MYO9A: variants seen among roughly 807,000 people sequenced by gnomAD.
The protein encoded by MYO9A is myosin IXA.
A neutral mutation model predicts 293.3 loss-of-function variants in MYO9A; 103 were observed. That is an observed-to-expected ratio of 0.35 (90% CI 0.30 to 0.41). The LOEUF (loss-of-function observed/expected upper bound fraction) is 0.41, where lower values mean the gene tolerates loss of function less well. Among genes scored for constraint, MYO9A ranks in the 10% least tolerant of loss-of-function variants. The pLI is 1.00. For synonymous variants in MYO9A, 1,001 were observed against 1,035.7 expected (o/e 0.97, Z 0.64); for missense variants, 2,685 against 3,033.0 (o/e 0.89, Z 2.69).
At chr15:72,061,889 C>T (rs1596488646) in intron 1 of MYO9A, among the ~76,000 whole-genome samples, 1 of 152,330 alleles carries the variant, frequency 6.6e-6, no homozygotes, top group African/African-American at 2.4e-5. Flanking sequence ...TTGGGCAGGA[C>T]CCCGTTTTGT....
intron 32 of MYO9A, among the ~76,000 whole-genome samples, chr15:71,868,573 G>A (rs2056411471): frequency 1.3e-5 from 2 of 152,140 alleles, no homozygotes; most frequent in Admixed American, 1.3e-4. Context: ...TGAATAACCA[G>A]GTGACAAGAA....
At chr15:72,015,724 G>A (rs1490922232) in intron 6 of MYO9A, among the ~76,000 whole-genome samples, 2 of 128,514 alleles carry the variant, frequency 1.6e-5, no homozygotes, top group Non-Finnish European at 3.1e-5. Flanking sequence ...GTCTCGCTCT[G>A]TCGCCCAGGA....
chr15:72,074,860 GA>G (rs897532507), intron 1 of MYO9A, among the ~76,000 whole-genome samples: 2 of 148,338 alleles, frequency 1.3e-5, no homozygotes, highest in African/African-American at 2.5e-5. Flanking sequence ...TTCCATGTCA[GA>G]ATTAATAGTT....
At chr15:71,848,003 G>C (rs2055466313) in intron 39 of MYO9A, among the ~76,000 whole-genome samples, 1 of 152,098 alleles carries the variant, frequency 6.6e-6, no homozygotes, top group Admixed American at 6.5e-5. Flanking sequence ...GAAAGAGTAA[G>C]GGCATGATGA....
intron 19 of MYO9A, among the ~76,000 whole-genome samples, chr15:71,907,964 C>G (rs1017127538): frequency 6.6e-6 from 1 of 152,122 alleles, no homozygotes; most frequent in Non-Finnish European, 1.5e-5. Context: ...TCCCATTTGT[C>G]AATTTTGGCT....
At chr15:72,029,136 GAA>G (rs2077781060) in intron 3 of MYO9A, among the ~76,000 whole-genome samples, 1 of 152,216 alleles carries the variant, frequency 6.6e-6, no homozygotes, top group Non-Finnish European at 1.5e-5. Flanking sequence ...TATATCTGGT[GAA>G]AGAGTGACTG....
chr15:71,942,966 TTAA>T (rs1048250062), intron 15 of MYO9A, among the ~76,000 whole-genome samples: 4 of 152,102 alleles, frequency 2.6e-5, no homozygotes, highest in Non-Finnish European at 5.9e-5. Flanking sequence ...CTATCTAGCT[TTAA>T]TAATTGCTAT....
At chr15:71,907,188 G>A (rs1308599114) in intron 19 of MYO9A, among the ~76,000 whole-genome samples, 1 of 150,738 alleles carries the variant, frequency 6.6e-6, no homozygotes, top group Non-Finnish European at 1.5e-5. Flanking sequence ...GGGAGAATAT[G>A]CGGTGTTTGG....
At chr15:72,114,163 T>A (rs1401826158) in intron 1 of MYO9A, 1 of 152,204 alleles carries the variant, frequency 6.6e-6, no homozygotes, top group Non-Finnish European at 1.5e-5. Context: ...GGTTCCCTTG[T>A]GTATGGTTCC....
At chr15:72,063,736 C>G (rs2078940843) in intron 1 of MYO9A, among the ~76,000 whole-genome samples, 1 of 152,168 alleles carries the variant, frequency 6.6e-6, no homozygotes, top group Non-Finnish European at 1.5e-5. Flanking sequence ...ACTATAAAAA[C>G]AGTTTGGAGG....
intron 26 of MYO9A, chr15:71,890,135 A>G (rs2057135767): frequency 6.6e-6 from 1 of 152,222 alleles, no homozygotes; most frequent in Non-Finnish European, 1.5e-5. Context: ...ATAAGCTAAT[A>G]AACAGCTTTG....
At position 71,991,107 on chromosome 15, in the gene MYO9A, T is replaced by C; in HGVS notation, c.1718A>G (p.Glu573Gly). The change falls in exon 11 of 42, where the codon GAA becomes GGA. Residue 573 changes from glutamate to glycine, a missense_variant. Around this residue, in one of 10 missense-constraint regions of MYO9A, gnomAD observed 201 missense variants for 245.2 expected, o/e 0.82. Coordinates refer to ENST00000356056, the MANE Select transcript of MYO9A (RefSeq NM_006901.4). ...TATACATATTTAGGTACTCACTTGT[T>C]CCAATTTAAAGATATGCTGATTAAA... Reference protein sequence around the residue: ...HYFNQHIFKLEQEEYRTEGIS... With the variant: ...HYFNQHIFKLGQEEYRTEGIS... 1 of 1,598,472 alleles carries C rather than the reference T, an allele frequency of 6.3e-7. No individual in the cohort carries two copies. Among genetic ancestry groups the C allele is most frequent in the Non-Finnish European group, 8.5e-7 (1 of 1,173,428 alleles).
chr15:71,854,525 G>A lies in MYO9A; in HGVS notation c.6198C>T (p.Ser2066=). The A allele has an allele frequency of 6.2e-7, 1 of 1,609,330 alleles. No homozygotes were observed. The highest frequency in any genetic ancestry group is 8.5e-7 in the Non-Finnish European group (1 of 1,178,142). The change falls in exon 35 of 42, where the codon TCC becomes TCT. Residue 2066 remains serine, a synonymous_variant. Coordinates refer to ENST00000356056, the MANE Select transcript of MYO9A (RefSeq NM_006901.4). ...CAGTTCGGTCTTCACTGGTCAAACG[G>A]GACAGTTCAACCCCAAATTGTCGAG... ...LSSRQFGVEL[S]RLTSEDRTVP...
At chr15:72,042,904 A>G (rs1010427032) in intron 2 of MYO9A, among the ~76,000 whole-genome samples, 1 of 151,878 alleles carries the variant, frequency 6.6e-6, no homozygotes, top group African/African-American at 2.4e-5. Flanking sequence ...CGTCTCTACT[A>G]AAAATTAAAA....
Position 71,822,541 on chromosome 15 carries a change from T to TAAAC in MYO9A, c.*4035_*4038dup, listed in dbSNP as rs2054316368. 1 of 152,220 alleles carries TAAAC rather than the reference T, an allele frequency of 6.6e-6. No individual in the cohort carries two copies. Among genetic ancestry groups the TAAAC allele is most frequent in the Admixed American group, 6.5e-5 (1 of 15,286 alleles). 9.4% of individuals were successfully genotyped at this position (152,220 alleles called of 1,614,324 possible). A position where few individuals can be genotyped will look rare whatever the true frequency, so the allele number is the denominator to read the frequency against. ...CATTCTTCTTATAGAATTATTCTAT[T>TAAAC]AAACAGTAAAATGTTATATTTCACA... On this transcript the variant is annotated 3_prime_UTR_variant, in exon 42 of 42. Coordinates refer to ENST00000356056, the MANE Select transcript of MYO9A (RefSeq NM_006901.4).
intron 12 of MYO9A, among the ~76,000 whole-genome samples, chr15:71,975,477 G>A (rs1276482687): frequency 6.7e-6 from 1 of 149,408 alleles, no homozygotes; most frequent in Non-Finnish European, 1.5e-5. Flanking sequence ...AGCCCTTGGT[G>A]TAGTCTTTTG....
In MYO9A at chr15:72,046,323, A is replaced by T. The variant is rs1225921130; in HGVS notation, c.241T>A (p.Cys81Ser). Residue 81 changes from cysteine to serine, a missense_variant, in exon 2 of 42, where the codon TGT becomes AGT. Coordinates refer to ENST00000356056, the MANE Select transcript of MYO9A (RefSeq NM_006901.4). ...CACAGCATCATTCGCTGAACTGGACAATCTGTTGGATTGAGAATCCATTCT... is the reference window on the plus strand; with the variant it reads ...CACAGCATCATTCGCTGAACTGGACTATCTGTTGGATTGAGAATCCATTCT... ...GEEWILNPTD[C>S]PVQRMMLWPR... 2 of 1,614,052 alleles carry T rather than the reference A, an allele frequency of 1.2e-6. No homozygotes were observed. The highest frequency in any genetic ancestry group is 1.1e-5 in the South Asian group (1 of 91,086).
At chr15:71,995,181 G>C (rs371302589) in intron 9 of MYO9A, among the ~76,000 whole-genome samples, 1 of 152,214 alleles carries the variant, frequency 6.6e-6, no homozygotes, top group East Asian at 1.9e-4. Context: ...CCCTAGGAAA[G>C]AAGGTATAAT....
intron 13 of MYO9A, among the ~76,000 whole-genome samples, chr15:71,960,798 G>T (rs1252124914): frequency 6.6e-6 from 1 of 152,176 alleles, no homozygotes; most frequent in African/African-American, 2.4e-5. Flanking sequence ...ATCACATACA[G>T]CAACAGGAGA....
Sources: gnomAD v4.1 joint callset for allele counts (sites outside exome capture counted in the v4.1 genomes callset) on GRCh38, gnomAD v4.1.1 for gene constraint, gnomAD v4.1.1 regional missense constraint, MANE v1.5 for transcripts, NCBI Gene and HGNC (gene_info 2026-07-23, HGNC 2026-07-21) for gene names.